The following KIAA1328 variants were observed in gnomAD, a reference collection of about 807,000 sequenced individuals.
KIAA1328 encodes protein hinderin.
Under a neutral mutation model 68.1 loss-of-function variants are expected in KIAA1328, and 52 were observed. The ratio of observed to expected loss-of-function variants is 0.76; its 90% CI spans 0.61 to 0.96. The LOEUF (loss-of-function observed/expected upper bound fraction) is 0.96, where lower values mean the gene tolerates loss of function less well. Ranked by LOEUF, KIAA1328 falls within the 40% of genes least tolerant of loss-of-function variation. The pLI is 0.00. For missense variants in KIAA1328, 641 were observed against 677.6 expected (o/e 0.95, Z 0.60); for synonymous variants, 232 against 239.4 (o/e 0.97, Z 0.28).
chr18:36,923,860 G>A (rs923853329), intron 5 of KIAA1328: 3 of 152,174 alleles, frequency 2.0e-5, no homozygotes, highest in Non-Finnish European at 4.4e-5. Flanking sequence ...CATCAACAAA[G>A]TTCTACTGGA....
intron 6 of KIAA1328, among the ~76,000 whole-genome samples, chr18:37,028,677 T>C (rs780998809): frequency 1.3e-5 from 2 of 152,152 alleles, no homozygotes; most frequent in Non-Finnish European, 2.9e-5. Context: ...AGATGGCTCT[T>C]TTTATTTTGA....
intron 6 of KIAA1328, among the ~76,000 whole-genome samples, chr18:37,005,179 C>T (rs1217497372): frequency 6.6e-6 from 1 of 151,846 alleles, no homozygotes; most frequent in Admixed American, 6.6e-5. Flanking sequence ...CACAAATCAC[C>T]ACTAAAGCAC....
At chr18:36,944,349 C>A (rs537547672) in intron 5 of KIAA1328, among the ~76,000 whole-genome samples, 1 of 151,990 alleles carries the variant, frequency 6.6e-6, no homozygotes, top group Non-Finnish European at 1.5e-5. Context: ...GAGGACAAGG[C>A]GGGCGGATCA....
chr18:36,846,362 C>T (rs1001820096), intron 4 of KIAA1328, among the ~76,000 whole-genome samples: 2 of 151,516 alleles, frequency 1.3e-5, no homozygotes, highest in African/African-American at 2.4e-5. Context: ...CAAGACATAA[C>T]CTTTTTTCTA....
intron 7 of KIAA1328, among the ~76,000 whole-genome samples, chr18:37,099,963 G>A (rs550984691): frequency 2.0e-5 from 3 of 152,224 alleles, no homozygotes; most frequent in Non-Finnish European, 4.4e-5. Context: ...TTGAGCCTAT[G>A]TGTGTCTTTG....
intron 6 of KIAA1328, among the ~76,000 whole-genome samples, chr18:37,034,464 C>A (rs1343732092): frequency 6.6e-6 from 1 of 152,080 alleles, no homozygotes; most frequent in Non-Finnish European, 1.5e-5. Flanking sequence ...CATTTATTTT[C>A]TGAAATATTG....
chr18:36,885,536 G>GTT (rs752016737), intron 4 of KIAA1328, 21 bp from the exon 5 acceptor site: 925 of 1,054,380 alleles, frequency 8.8e-4, no homozygotes, highest in South Asian at 1.5e-3. Flanking sequence ...GATGTTAAAG[G>GTT]TTTTTTTTTT....
intron 5 of KIAA1328, among the ~76,000 whole-genome samples, chr18:36,905,659 C>A (rs1173663436): frequency 2.0e-5 from 3 of 152,118 alleles, no homozygotes; most frequent in Admixed American, 6.6e-5. Context: ...ACTGAGTTAC[C>A]CTTTGTTCTA....
intron 5 of KIAA1328, among the ~76,000 whole-genome samples, chr18:36,949,047 T>A (rs1023902282): frequency 6.6e-6 from 1 of 152,224 alleles, no homozygotes; most frequent in Admixed American, 6.5e-5. Flanking sequence ...TGGAAGTTTT[T>A]AAGTGTTAAT....
chr18:36,999,537 C>T (rs2053512789), intron 6 of KIAA1328, among the ~76,000 whole-genome samples: 1 of 152,118 alleles, frequency 6.6e-6, no homozygotes, highest in South Asian at 2.1e-4. Flanking sequence ...ATTTGCTCAC[C>T]TACAAAGGAA....
chr18:36,953,475 C>T (rs1467177135), intron 5 of KIAA1328, among the ~76,000 whole-genome samples: 1 of 150,024 alleles, frequency 6.7e-6, no homozygotes, highest in Non-Finnish European at 1.5e-5. Context: ...GAAATATATA[C>T]ATATGTAATA....
At chr18:36,998,699 A>C (rs1294065327) in intron 6 of KIAA1328, among the ~76,000 whole-genome samples, 1 of 152,188 alleles carries the variant, frequency 6.6e-6, no homozygotes, top group Non-Finnish European at 1.5e-5. Flanking sequence ...AATCATACAG[A>C]GACTACATTA....
intron 9 of KIAA1328, among the ~76,000 whole-genome samples, chr18:37,215,005 T>C (rs1290289312): frequency 6.6e-6 from 1 of 152,222 alleles, no homozygotes; most frequent in Non-Finnish European, 1.5e-5. Context: ...TGATTTTGTA[T>C]CCTGAGATTT....
intron 7 of KIAA1328, among the ~76,000 whole-genome samples, chr18:37,152,202 A>G (rs2059050067): frequency 6.6e-6 from 1 of 152,078 alleles, no homozygotes; most frequent in Non-Finnish European, 1.5e-5. Flanking sequence ...AGTAGTTCTC[A>G]AAGAGGTAGT....
intron 7 of KIAA1328, among the ~76,000 whole-genome samples, chr18:37,109,531 A>G (rs2057870190): frequency 6.6e-6 from 1 of 152,032 alleles, no homozygotes; most frequent in African/African-American, 2.4e-5. Context: ...TTTTTTCAGG[A>G]TGTTAGATTA....
intron 7 of KIAA1328, among the ~76,000 whole-genome samples, chr18:37,089,277 C>A (rs1304118023): frequency 2.0e-5 from 3 of 148,912 alleles, no homozygotes; most frequent in Admixed American, 6.7e-5. Context: ...GAAATATTTT[C>A]TTTGCATTTC....
chr18:36,876,159 A>T (rs530946029), intron 4 of KIAA1328, among the ~76,000 whole-genome samples: 51 of 152,200 alleles, frequency 3.4e-4, no homozygotes, highest in Non-Finnish European at 6.2e-4. Flanking sequence ...AGGTTTTGGT[A>T]TCAGGATGAT....
chr18:37,119,475 C>T (rs1207671450), intron 7 of KIAA1328, among the ~76,000 whole-genome samples: 1 of 152,134 alleles, frequency 6.6e-6, no homozygotes, highest in African/African-American at 2.4e-5. Context: ...CTGACTGGGG[C>T]TCTCTTCCTG....
At position 37,222,411 on chromosome 18, in the gene KIAA1328, C is replaced by T. The variant is rs2060581498; in HGVS notation, c.*184C>T. The T allele has an allele frequency of 4.9e-6, 7 of 1,429,130 alleles. No individual in the cohort carries two copies. The highest frequency in any genetic ancestry group is 6.4e-6 in the Non-Finnish European group (7 of 1,097,900). 88.5% of individuals were successfully genotyped at this position (1,429,130 alleles called of 1,614,324 possible). On this transcript the variant is annotated 3_prime_UTR_variant, in exon 10 of 10. Coordinates refer to ENST00000280020, the MANE Select transcript of KIAA1328 (RefSeq NM_020776.3). ...CCAGGTTATTTTCAATCAGACCAGG[C>T]ATTCGATAACACACTAAGGGGGTAG...
Sources: allele counts gnomAD v4.1 joint callset (sites outside exome capture counted in the v4.1 genomes callset), GRCh38; gene constraint gnomAD v4.1.1; transcripts MANE v1.5; gene names NCBI Gene and HGNC (gene_info 2026-07-23, HGNC 2026-07-21).